Variants in PPWD1 observed in about 807,000 individuals in gnomAD.
PPWD1 encodes the protein peptidylprolyl isomerase domain and WD repeat-containing protein 1.
A neutral mutation model predicts 68.8 loss-of-function variants in PPWD1; 43 were observed. The ratio of observed to expected loss-of-function variants is 0.62; its 90% confidence interval spans 0.49 to 0.81. The LOEUF (loss-of-function observed/expected upper bound fraction) is 0.81, where lower values mean the gene tolerates loss of function less well. Ranked by LOEUF, PPWD1 falls within the 30% of genes least tolerant of loss-of-function variation. The probability of loss-of-function intolerance (pLI) is 0.00; values close to 1 mark genes in which losing one functional copy is unlikely to be tolerated. For missense variants in PPWD1, 672 were observed against 804.8 expected, an observed-to-expected ratio of 0.83 and a Z score of 2.00; for synonymous variants, 232 against 258.7, an observed-to-expected ratio of 0.90 and a Z score of 0.99.
At chr5:65,569,575 A>G in intron 2 of PPWD1, 57 bp from the exon 3 acceptor site, 1 of 1,489,806 alleles carries the variant, frequency 6.7e-7, no homozygotes, top group Non-Finnish European at 9.1e-7. Context: ...CTTTGGGAAT[A>G]CTAAGTGATT....
At chr5:65,576,673 C>A in intron 5 of PPWD1, 2 of 785,246 alleles carry the variant, frequency 2.5e-6, no homozygotes, top group Non-Finnish European at 3.1e-6. Flanking sequence ...CCATGCCCAG[C>A]CTGAAATACT....
intron 1 of PPWD1, among the ~76,000 whole-genome samples, chr5:65,564,814 T>C (rs1752642396): frequency 6.6e-6 from 1 of 152,170 alleles, no homozygotes; most frequent in Non-Finnish European, 1.5e-5. Context: ...CCAGATATGG[T>C]GTTTCTACCG....
chr5:65,572,753 C>A (rs1453691186), intron 5 of PPWD1, among the ~76,000 whole-genome samples: 1 of 152,102 alleles, frequency 6.6e-6, no homozygotes, highest in African/African-American at 2.4e-5. Context: ...TTATCCTTAA[C>A]TCTTTTACCC....
At chr5:65,567,168 T>A (rs1473715800) in intron 1 of PPWD1, among the ~76,000 whole-genome samples, 1 of 152,120 alleles carries the variant, frequency 6.6e-6, no homozygotes, top group Non-Finnish European at 1.5e-5. Flanking sequence ...ATGGAACTTT[T>A]TAATTTTTTT....
Position 65,583,119 on chromosome 5 carries a change from G to A in PPWD1, c.1432G>A (p.Val478Ile), listed in dbSNP as rs1330065342. The A allele has an allele frequency of 6.2e-7, 1 of 1,613,620 alleles. No homozygotes were observed. Among genetic ancestry groups the A allele is most frequent in the Non-Finnish European group, 8.5e-7 (1 of 1,179,856 alleles). Residue 478 changes from valine (V) to isoleucine (I), a missense_variant, in exon 8 of 11, where the codon GTC becomes ATC. This residue lies in a region of PPWD1 where 484 missense variants were observed against 646.2 expected (regional missense o/e 0.75). Transcript: ENST00000261308. Reference sequence around the variant, plus strand: ...TAATGAGAAACCTTCTAAAGAAGAAGTCATGGCAGCTACTCAAGCTGAAGG... The same window carrying A: ...TAATGAGAAACCTTCTAAAGAAGAAATCATGGCAGCTACTCAAGCTGAAGG... ...VFNEKPSKEE[V>I]MAATQAEGPK... is the part of the protein sequence containing the mutation.
chr5:65,573,733 T>A (rs773184967), intron 5 of PPWD1, among the ~76,000 whole-genome samples: 6 of 151,372 alleles, frequency 4.0e-5, no homozygotes, highest in Non-Finnish European at 1.5e-5. Flanking sequence ...TTTGATATGG[T>A]CATATTATTT....
At chr5:65,577,737 T>C (rs142855221) in intron 6 of PPWD1, among the ~76,000 whole-genome samples, 227 of 152,344 alleles carry the variant, frequency 1.5e-3, no homozygotes, top group African/African-American at 5.2e-3. Flanking sequence ...CCTTACTTTT[T>C]TGAACAGTTT....
intron 9 of PPWD1, 94 bp from the exon 10 acceptor site, chr5:65,585,905 C>G: frequency 6.6e-7 from 1 of 1,515,948 alleles, no homozygotes; most frequent in Non-Finnish European, 8.8e-7. Flanking sequence ...GTTAATATTA[C>G]ACTGAATACA....
At chr5:65,587,107 T>G in intron 10 of PPWD1, 146 bp from the exon 11 acceptor site, 1 of 917,978 alleles carries the variant, frequency 1.1e-6, no homozygotes, top group Non-Finnish European at 1.5e-6. Flanking sequence ...CTGCTACATT[T>G]TTATTGCTGA....
rs145769947 is a variant in PPWD1, at chr5:65,587,312, A to G, written c.1857A>G (p.Val619=). Residue 619 remains valine, a synonymous_variant, in exon 11 of 11, where the codon GTA becomes GTG. Coordinates refer to ENST00000261308, the MANE Select transcript of PPWD1 (RefSeq NM_015342.4). ...FGRVTKGMEV[V]QRISNVKVNP... is the part of the protein sequence containing the mutation. The stretch of plus-strand genomic sequence containing the variant: ...GAGTGACTAAAGGAATGGAAGTTGT[A>G]CAGAGGATCTCCAACGTCAAAGTCA... The G allele has an allele frequency of 1.6e-3, 2,552 of 1,612,816 alleles. 9 individuals carry two copies. The highest frequency in any genetic ancestry group is 1.4e-3 in the Non-Finnish European group (1,709 of 1,179,072).
intron 6 of PPWD1, 30 bp from the exon 7 acceptor site, chr5:65,579,392 TTC>T (rs1296819987): frequency 3.5e-6 from 5 of 1,430,220 alleles, no homozygotes; most frequent in African/African-American, 1.5e-5. Context: ...ACTTCGGTGA[TTC>T]TGTTGTATAA....
intron 1 of PPWD1, chr5:65,563,944 T>C: frequency 9.2e-7 from 1 of 1,090,210 alleles, no homozygotes; most frequent in Non-Finnish European, 1.3e-6. Context: ...TTTCGAATCA[T>C]GGTAGGTAAA....
chr5:65,587,434 C>A lies in PPWD1; in HGVS notation c.*38C>A. On this transcript the variant is annotated 3_prime_UTR_variant, in exon 11 of 11. Transcript: ENST00000261308. ...TTTAATGTACTTGCAAATAAAAATA[C>A]AATATTAAACAGATTATTTTACATT... The A allele has an allele frequency of 3.4e-6, 5 of 1,463,932 alleles. No homozygotes were observed. The highest frequency in any genetic ancestry group is 4.7e-6 in the Non-Finnish European group (5 of 1,068,428). 90.7% of individuals were successfully genotyped at this position (1,463,932 alleles called of 1,614,324 possible). A position where few individuals can be genotyped will look rare whatever the true frequency, so the allele number is the denominator to read the frequency against.
intron 4 of PPWD1, chr5:65,570,263 T>A: frequency 1.1e-6 from 1 of 915,994 alleles, no homozygotes. Context: ...TTAGTAATAT[T>A]ACTGGAGCTC....
intron 2 of PPWD1, 145 bp from the exon 3 acceptor site, chr5:65,569,487 T>TA: frequency 1.1e-6 from 1 of 913,982 alleles, no homozygotes; most frequent in Non-Finnish European, 1.5e-6. Context: ...TGTTCTGTAA[T>TA]ATAGTGGTCT....
chr5:65,574,448 CTTTTTTTTTTT>C (rs573705705), intron 5 of PPWD1, among the ~76,000 whole-genome samples: 11 of 91,998 alleles, frequency 1.2e-4, no homozygotes, highest in African/African-American at 3.1e-4. Context: ...ACACAAATCT[CTTTTTTTTTTT>C]TTTTTTTTTT....
At chr5:65,578,784 G>GTATATATATATATACATATATATGTATA (rs372704895) in intron 6 of PPWD1, among the ~76,000 whole-genome samples, 7 of 135,390 alleles carry the variant, frequency 5.2e-5, no homozygotes, top group Non-Finnish European at 1.1e-4. Flanking sequence ...ATATATATGT[G>GTATATATATATATACATATATATGTATA]TATATATATA....
chr5:65,573,477 T>TATATATATATATATATA (rs1561725705), intron 5 of PPWD1, among the ~76,000 whole-genome samples: 6 of 20,158 alleles, frequency 3.0e-4, no homozygotes, highest in African/African-American at 6.8e-4. Context: ...ATATATATAT[T>TATATATATATATATATA]TTTTTTTTAT....
At chr5:65,570,671 A>G (rs1392548835) in intron 4 of PPWD1, among the ~76,000 whole-genome samples, 1 of 152,070 alleles carries the variant, frequency 6.6e-6, no homozygotes, top group Non-Finnish European at 1.5e-5. Context: ...TCAAGGTTCC[A>G]TCAGGGTTTG....
Sources: gnomAD v4.1 joint callset for allele counts (sites outside exome capture counted in the v4.1 genomes callset) on GRCh38, gnomAD v4.1.1 for gene constraint, gnomAD v4.1.1 regional missense constraint, MANE v1.5 for transcripts, NCBI Gene and HGNC (gene_info 2026-07-23, HGNC 2026-07-21) for gene names.